LDB2: variants seen among roughly 807,000 people sequenced by gnomAD.
LDB2 encodes the protein LIM domain binding 2.
LDB2 carries 12 observed loss-of-function variants against 44.3 expected under a neutral mutation model. That is an observed-to-expected ratio of 0.27 (90% CI 0.17 to 0.44). LDB2 has a LOEUF of 0.44. Among genes scored for constraint, LDB2 ranks in the 20% least tolerant of loss-of-function variants. The pLI, the probability that LDB2 is intolerant of heterozygous loss-of-function variation, is 1.00. For synonymous variants in LDB2, 164 were observed against 174.8 expected (o/e 0.94, Z 0.49); for missense variants, 344 against 473.5 (o/e 0.73, Z 2.54).
intron 2 of LDB2, among the ~76,000 whole-genome samples, chr4:16,649,471 GCCATTACATAC>G (rs1484057974): frequency 6.6e-6 from 1 of 152,148 alleles, no homozygotes; most frequent in African/African-American, 2.4e-5. Context: ...AAGCAGCATA[GCCATTACATAC>G]CTTCTACATT....
Position 16,866,482 on chromosome 4 carries a change from G to A in LDB2, c.132+31872C>T, listed in dbSNP as rs559513684. On this transcript the variant is annotated intron_variant, in intron 1 of 7. Transcript: ENST00000304523. Reference sequence around the variant, plus strand: ...ATTTTGTAACAATCTGGAAAGAAAAGAGAATGTGTGGTCTAATACCCTCAA... The same window carrying A: ...ATTTTGTAACAATCTGGAAAGAAAAAAGAATGTGTGGTCTAATACCCTCAA... 9.5e-4 allele frequency among the ~76,000 whole-genome samples: 145 copies of A among 152,174 alleles called. 1 individual carries two copies. Among genetic ancestry groups the A allele is most frequent in the African/African-American group, 3.4e-3 (141 of 41,514 alleles).
chr4:16,558,848 T>C (rs1046405392), intron 5 of LDB2, among the ~76,000 whole-genome samples: 81 of 152,308 alleles, frequency 5.3e-4, no homozygotes, highest in African/African-American at 1.9e-3. Flanking sequence ...CCCATCAGAC[T>C]AACAGCAGAT....
intron 1 of LDB2, among the ~76,000 whole-genome samples, chr4:16,826,940 T>C (rs1783164092): frequency 1.3e-5 from 2 of 152,176 alleles, no homozygotes; most frequent in South Asian, 2.1e-4. Flanking sequence ...ATTGATTAAA[T>C]ACTAAACTAG....
intron 2 of LDB2, among the ~76,000 whole-genome samples, chr4:16,736,657 G>T (rs930888976): frequency 6.6e-6 from 1 of 152,222 alleles, no homozygotes; most frequent in Non-Finnish European, 1.5e-5. Context: ...ATATCAAACT[G>T]TGCAGGTTTG....
intron 5 of LDB2, among the ~76,000 whole-genome samples, chr4:16,541,835 T>G (rs572051447): frequency 6.6e-6 from 1 of 152,306 alleles, no homozygotes; most frequent in South Asian, 2.1e-4. Flanking sequence ...GGGTGATGCA[T>G]AGGAGTTGAG....
At chr4:16,611,489 C>T (rs1301787240) in intron 2 of LDB2, among the ~76,000 whole-genome samples, 2 of 149,758 alleles carry the variant, frequency 1.3e-5, no homozygotes, top group Non-Finnish European at 3.0e-5. Flanking sequence ...CAAAGAAACA[C>T]GCAGGCTCAA....
intron 1 of LDB2, among the ~76,000 whole-genome samples, chr4:16,831,183 T>TC (rs1784009978): frequency 6.6e-6 from 1 of 151,030 alleles, no homozygotes; most frequent in Non-Finnish European, 1.5e-5. Context: ...GCTTTTTTTT[T>TC]TTTTTTTTTC....
intron 1 of LDB2, among the ~76,000 whole-genome samples, chr4:16,762,362 G>A (rs954552575): frequency 6.6e-6 from 1 of 152,148 alleles, no homozygotes; most frequent in Non-Finnish European, 1.5e-5. Flanking sequence ...ATTATTCAGA[G>A]GCCCAGTGAC....
chr4:16,510,945 T>C (rs1721494646), intron 6 of LDB2, among the ~76,000 whole-genome samples: 2 of 152,170 alleles, frequency 1.3e-5, no homozygotes, highest in Non-Finnish European at 2.9e-5. Flanking sequence ...CTCCATAAAG[T>C]CTTATTAGCG....
intron 2 of LDB2, among the ~76,000 whole-genome samples, chr4:16,630,335 C>A (rs1053784878): frequency 6.6e-6 from 1 of 152,144 alleles, no homozygotes; most frequent in Non-Finnish European, 1.5e-5. Flanking sequence ...TCCAGCCAAA[C>A]TAAGCTTCAT....
chr4:16,603,230 G>GTA (rs1439081715), intron 2 of LDB2, among the ~76,000 whole-genome samples: 2 of 152,186 alleles, frequency 1.3e-5, no homozygotes, highest in Non-Finnish European at 2.9e-5. Context: ...CAAACACCCT[G>GTA]TAAGTATGAA....
intron 2 of LDB2, among the ~76,000 whole-genome samples, chr4:16,635,773 T>C (rs970816623): frequency 6.6e-6 from 1 of 152,210 alleles, no homozygotes; most frequent in Non-Finnish European, 1.5e-5. Flanking sequence ...TACTCCACCC[T>C]CCTATATGTG....
chr4:16,766,656 C>T (rs145992026), intron 1 of LDB2, among the ~76,000 whole-genome samples: 67 of 151,848 alleles, frequency 4.4e-4, no homozygotes, highest in African/African-American at 1.5e-3. Flanking sequence ...TAGGCGCCCA[C>T]CACCACGCCC....
intron 2 of LDB2, among the ~76,000 whole-genome samples, chr4:16,621,360 G>A (rs1402207731): frequency 6.6e-6 from 1 of 152,126 alleles, no homozygotes. Flanking sequence ...GTAGAGCAAG[G>A]CATAGCCTAT....
Position 16,514,478 on chromosome 4 carries a change from C to T in LDB2, c.616-2374G>A, listed in dbSNP as rs542007143. On this transcript the variant is annotated intron_variant, in intron 5 of 7. Coordinates refer to ENST00000304523, the MANE Select transcript of LDB2 (RefSeq NM_001290.5). ...TCCAGTTCTAAATCCATCCTCTTCT[C>T]ACTTCCACCAACTGTCTCATGTTCT... 1.5e-4 allele frequency among the ~76,000 whole-genome samples: 23 copies of T among 152,334 alleles called. 1 individual carries two copies. Among genetic ancestry groups the T allele is most frequent in the African/African-American group, 4.8e-4 (20 of 41,566 alleles).
At chr4:16,839,351 AG>A (rs1785448844) in intron 1 of LDB2, among the ~76,000 whole-genome samples, 1 of 152,234 alleles carries the variant, frequency 6.6e-6, no homozygotes, top group African/African-American at 2.4e-5. Flanking sequence ...AGCAAGGAGT[AG>A]GACATGCCAG....
At chr4:16,750,354 C>T (rs544253428) in intron 2 of LDB2, among the ~76,000 whole-genome samples, 2 of 152,308 alleles carry the variant, frequency 1.3e-5, no homozygotes, top group Admixed American at 6.5e-5. Context: ...TATCACACTC[C>T]TATGCATGTG....
chr4:16,827,133 C>G (rs1783197396), intron 1 of LDB2, among the ~76,000 whole-genome samples: 2 of 152,122 alleles, frequency 1.3e-5, no homozygotes, highest in Admixed American at 1.3e-4. Flanking sequence ...ACAAAAACAA[C>G]CCCATCACCA....
At chr4:16,798,820 C>T (rs1777218962) in intron 1 of LDB2, among the ~76,000 whole-genome samples, 1 of 152,200 alleles carries the variant, frequency 6.6e-6, no homozygotes, top group Admixed American at 6.5e-5. Context: ...TTCAGCAGTG[C>T]TTATTCAGCA....
Sources: gnomAD v4.1 joint callset for allele counts (sites outside exome capture counted in the v4.1 genomes callset) on GRCh38, gnomAD v4.1.1 for gene constraint, MANE v1.5 for transcripts, NCBI Gene and HGNC (gene_info 2026-07-23, HGNC 2026-07-21) for gene names.